SORBS2: variants seen among roughly 807,000 people sequenced by gnomAD.
The protein encoded by SORBS2 is sorbin and SH3 domain-containing protein 2.
In SORBS2, 46 loss-of-function variants were observed where a neutral mutation model predicts 97.7. The observed-to-expected ratio is 0.47, with a 90% CI of 0.37 to 0.60. SORBS2 has a LOEUF of 0.60. SORBS2 is among the 20% of genes least tolerant of loss of function. The probability of loss-of-function intolerance (pLI) is 0.00; values close to 1 mark genes in which losing one functional copy is unlikely to be tolerated. For synonymous variants in SORBS2, 476 were observed against 473.4 expected (o/e 1.01, Z -0.07); for missense variants, 1,316 against 1,282.3 (o/e 1.03, Z -0.40).
intron 2 of SORBS2, among the ~76,000 whole-genome samples, chr4:185,770,042 C>T (rs751667481): frequency 4.0e-5 from 6 of 151,092 alleles, no homozygotes; most frequent in African/African-American, 7.3e-5. Context: ...GATCATGAAG[C>T]GGGTCCTCTG....
intron 2 of SORBS2, among the ~76,000 whole-genome samples, chr4:185,710,730 G>T (rs4862563): frequency 0.04 from 6,097 of 152,228 alleles, 142 homozygotes; most frequent in Middle Eastern, 0.078. Flanking sequence ...TGATGGATTC[G>T]TCGTGGCTGC....
At position 185,704,276 on chromosome 4, in the gene SORBS2, C is replaced by T. The variant is rs552109576; in HGVS notation, c.-197-25454G>A. On this transcript the variant is annotated intron_variant, in intron 2 of 20. Coordinates refer to the SORBS2 transcript ENST00000284776. ...CTCACCCCATTTTTCCAGTATTCCT[C>T]ACCTCAGAGAATGCTATCATTCATT... Among the ~76,000 whole-genome samples, 21 of 152,256 alleles carry T rather than the reference C, an allele frequency of 1.4e-4. No individual in the cohort carries two copies. The South Asian group carries it at 3.7e-3, about 27-fold the overall frequency.
intron 1 of SORBS2, among the ~76,000 whole-genome samples, chr4:185,887,760 T>C (rs1052600367): frequency 2.0e-5 from 3 of 152,188 alleles, no homozygotes; most frequent in Non-Finnish European, 4.4e-5. Context: ...GTAATTATTA[T>C]TATTAGAATC....
At chr4:185,893,282 C>A (rs2099243367) in intron 1 of SORBS2, among the ~76,000 whole-genome samples, 1 of 152,156 alleles carries the variant, frequency 6.6e-6, no homozygotes, top group Non-Finnish European at 1.5e-5. Flanking sequence ...GACATGGGAT[C>A]ATAACATCTG....
exon 3 of SORBS2, chr4:185,649,617 G>T (rs1463183186): frequency 1.3e-6 from 2 of 1,587,022 alleles, no homozygotes; most frequent in East Asian, 2.3e-5. Context: ...GGTCTTTGCA[G>T]CAGGGTGTGA....
intron 1 of SORBS2, among the ~76,000 whole-genome samples, chr4:185,798,930 C>T (rs1185129411): frequency 6.6e-6 from 1 of 150,628 alleles, no homozygotes; most frequent in Non-Finnish European, 1.5e-5. Flanking sequence ...CTGATCCACC[C>T]AGAAGCCTGT....
At chr4:185,784,100 G>A (rs576205721) in intron 1 of SORBS2, among the ~76,000 whole-genome samples, 24 of 152,166 alleles carry the variant, frequency 1.6e-4, no homozygotes, top group African/African-American at 5.8e-4. Flanking sequence ...GCACAGTAAC[G>A]ACACTAACCT....
intron 9 of SORBS2, among the ~76,000 whole-genome samples, chr4:185,615,883 A>G (rs866430831): frequency 6.6e-6 from 1 of 152,204 alleles, no homozygotes; most frequent in South Asian, 2.1e-4. Flanking sequence ...TTCTAAGAAA[A>G]TTGTAGGTAT....
chr4:185,796,289 A>G (rs1406361904), intron 1 of SORBS2, among the ~76,000 whole-genome samples: 2 of 152,042 alleles, frequency 1.3e-5, no homozygotes, highest in Non-Finnish European at 2.9e-5. Context: ...AGGAAATCCT[A>G]TTTCACCTTC....
intron 4 of SORBS2, among the ~76,000 whole-genome samples, chr4:185,670,756 T>C (rs1208485531): frequency 6.6e-6 from 1 of 152,100 alleles, no homozygotes; most frequent in African/African-American, 2.4e-5. Context: ...CCCCCTCTTT[T>C]CATGGCCTGT....
intron 1 of SORBS2, among the ~76,000 whole-genome samples, chr4:185,826,741 C>T (rs1347966898): frequency 6.6e-6 from 1 of 152,130 alleles, no homozygotes; most frequent in Non-Finnish European, 1.5e-5. Flanking sequence ...GTATAGGGCA[C>T]TGTAGTCAGG....
At chr4:185,657,234 T>G, upstream of SORBS2, 1 of 464,788 alleles carries the variant, frequency 2.2e-6, no homozygotes. Context: ...GAAAAACAGA[T>G]TGTGTAATTC....
chr4:185,626,897 C>G lies in SORBS2; in HGVS notation c.569G>C (p.Gly190Ala), dbSNP rs773029808. 1.9e-6 allele frequency: 3 copies of G among 1,614,228 alleles called. No individual in the cohort carries two copies. The East Asian group carries it at 6.7e-5, about 36-fold the overall frequency. The change falls in exon 6 of 15, where the codon GGA becomes GCA. Residue 190 changes from glycine to alanine, a missense_variant. By Grantham distance (60) the Gly-to-Ala change is moderately conservative (BLOSUM62 0). Transcript: ENST00000418609. ...AGACTTTGTAAGAGTGGTGCTTGAT[C>G]CTGGGAGGTCCACTCGGCCTGGGCT...
intron 4 of SORBS2, among the ~76,000 whole-genome samples, chr4:185,636,991 A>G (rs963568365): frequency 6.6e-6 from 1 of 152,148 alleles, no homozygotes; most frequent in African/African-American, 2.4e-5. Flanking sequence ...ATAAGGCCCA[A>G]CCTCTGGGCT....
At chr4:185,845,257 C>T (rs147560090) in intron 1 of SORBS2, among the ~76,000 whole-genome samples, 11 of 152,168 alleles carry the variant, frequency 7.2e-5, no homozygotes, top group South Asian at 4.2e-4. Context: ...CCGGCTCAAG[C>T]GATCCTCCCA....
intron 2 of SORBS2, among the ~76,000 whole-genome samples, chr4:185,767,456 C>T (rs185794136): frequency 0.012 from 1,627 of 136,700 alleles, 62 homozygotes; most frequent in African/African-American, 0.043. Flanking sequence ...GCCGAGATCG[C>T]GCCCCTGCAC....
intron 1 of SORBS2, among the ~76,000 whole-genome samples, chr4:185,899,768 C>T (rs563328618): frequency 3.9e-5 from 6 of 152,272 alleles, no homozygotes; most frequent in African/African-American, 9.6e-5. Flanking sequence ...TAGAGCCCAA[C>T]GAGTATTATA....
intron 1 of SORBS2, among the ~76,000 whole-genome samples, chr4:185,840,436 G>T (rs1457424176): frequency 6.6e-6 from 1 of 152,130 alleles, no homozygotes; most frequent in African/African-American, 2.4e-5. Context: ...AACTATGCTA[G>T]TATCTTGCAT....
At chr4:185,643,813 C>T (rs1460373079) in intron 4 of SORBS2, among the ~76,000 whole-genome samples, 3 of 152,178 alleles carry the variant, frequency 2.0e-5, no homozygotes, top group African/African-American at 4.8e-5. Flanking sequence ...TCCAAGGCAT[C>T]TTGGAGTCAA....
Sources: allele counts gnomAD v4.1 joint callset (sites outside exome capture counted in the v4.1 genomes callset), GRCh38; gene constraint gnomAD v4.1.1; transcripts MANE v1.5; gene names NCBI Gene and HGNC (gene_info 2026-07-23, HGNC 2026-07-21).